The following MYOF variants were observed in gnomAD, a reference collection of about 807,000 sequenced individuals.
MYOF encodes fer-1-like 3, myoferlin.
In MYOF, 244 loss-of-function variants were observed where a neutral mutation model predicts 284.2. That is an observed-to-expected ratio of 0.86 (90% CI 0.77 to 0.95). The LOEUF is 0.95. MYOF is among the 40% of genes least tolerant of loss of function. The pLI is 0.00. For synonymous variants in MYOF, 904 were observed against 919.7 expected (o/e 0.98, Z 0.31); for missense variants, 2,496 against 2,560.6 (o/e 0.97, Z 0.54).
In MYOF at chr10:93,402,303, C is replaced by A; in HGVS notation, c.919G>T (p.Asp307Tyr). The A allele has an allele frequency of 6.2e-7, 1 of 1,614,100 alleles. No homozygotes were observed. The highest frequency in any genetic ancestry group is 8.5e-7 in the Non-Finnish European group (1 of 1,179,988). Residue 307 changes from aspartate (D) to tyrosine (Y), a missense_variant, in exon 11 of 54, where the codon GAT becomes TAT. Around this residue, in one of 3 missense-constraint regions of MYOF, gnomAD observed 2,436 missense variants for 2,480.7 expected, o/e 0.98. Transcript: ENST00000359263. ...RKWLLLNDPE[D>Y]TSSGSKGYMK... is the part of the protein sequence containing the mutation. Reference sequence around the variant, plus strand: ...TAACCTTTAGAACCTGAACTGGTATCTTCCGGGTCATTGAGAAGAAGCCAC... The same window carrying A: ...TAACCTTTAGAACCTGAACTGGTATATTCCGGGTCATTGAGAAGAAGCCAC...
rs1844488337 is a variant in MYOF, at chr10:93,351,206, A to T, written c.3912T>A (p.Thr1304=). The change falls in exon 35 of 54, where the codon ACT becomes ACA. Residue 1304 remains threonine, a synonymous_variant. Transcript: ENST00000359263. ...GTGGGGAGCAGCATACCTCAATGGC[A>T]GTGAGCTGGACCACAGGCCTGATCC... The part of the protein sequence containing the change: ...PQGIRPVVQL[T]AIEILAWGLR... 1.2e-6 allele frequency: 2 copies of T among 1,614,060 alleles called. No homozygotes were observed. Among genetic ancestry groups the T allele is most frequent in the African/African-American group, 2.7e-5 (2 of 74,920 alleles).
intron 7 of MYOF, among the ~76,000 whole-genome samples, chr10:93,404,494 T>A (rs1181324631): frequency 1.3e-5 from 2 of 152,062 alleles, no homozygotes; most frequent in African/African-American, 2.4e-5. Flanking sequence ...GGGCTAGATA[T>A]CTAAAAGCTA....
At chr10:93,351,095 A>G (rs930355391) in intron 35 of MYOF, 102 bp downstream of exon 35, 2 of 1,277,716 alleles carry the variant, frequency 1.6e-6, no homozygotes, top group African/African-American at 3.0e-5. Flanking sequence ...AGTTGGAGAT[A>G]GCAAGAAAAT....
chr10:93,350,221 C>A (rs1278841765), intron 35 of MYOF, among the ~76,000 whole-genome samples: 3 of 152,118 alleles, frequency 2.0e-5, no homozygotes, highest in Non-Finnish European at 4.4e-5. Context: ...TGTGTCAATG[C>A]TGACAAGGTA....
intron 1 of MYOF, among the ~76,000 whole-genome samples, chr10:93,468,571 C>T (rs1880260): frequency 0.4 from 60,641 of 152,092 alleles, 13,934 homozygotes; most frequent in South Asian, 0.55. Flanking sequence ...ATGCAAAGCG[C>T]GGAGTGAAAA....
intron 38 of MYOF, among the ~76,000 whole-genome samples, chr10:93,343,469 G>T (rs1473224953): frequency 6.6e-6 from 1 of 152,188 alleles, no homozygotes; most frequent in Admixed American, 6.5e-5. Flanking sequence ...CTCAGACTTC[G>T]CTTTCTAGCA....
chr10:93,325,933 C>T lies in MYOF; in HGVS notation c.5164G>A (p.Ala1722Thr). The change falls in exon 46 of 54, where the codon GCC (alanine) becomes ACC (threonine). Residue 1722 changes from alanine to threonine, a missense_variant. Transcript: ENST00000359263. ...ANKILHQHLG[A>T]PEERLALHIL... is the part of the protein sequence containing the mutation. Reference sequence around the variant, plus strand: ...TGAAGAGCAAGCCGCTCTTCAGGGGCCCCGAGGTGCTGGTGCAGGATTTTG... The same window carrying T: ...TGAAGAGCAAGCCGCTCTTCAGGGGTCCCGAGGTGCTGGTGCAGGATTTTG... 6.2e-7 allele frequency: 1 copy of T among 1,613,982 alleles called. No homozygotes were observed. The highest frequency in any genetic ancestry group is 1.1e-5 in the South Asian group (1 of 91,048).
intron 3 of MYOF, among the ~76,000 whole-genome samples, chr10:93,435,855 G>A (rs1849093208): frequency 6.6e-6 from 1 of 151,748 alleles, no homozygotes; most frequent in African/African-American, 2.4e-5. Flanking sequence ...AGTGAGTCGT[G>A]AATGTTCCAT....
At chr10:93,322,517 C>A (rs1224017644) in intron 48 of MYOF, among the ~76,000 whole-genome samples, 1 of 152,194 alleles carries the variant, frequency 6.6e-6, no homozygotes, top group Admixed American at 6.5e-5. Flanking sequence ...TAGCCATCCA[C>A]AGAGACGATT....
chr10:93,455,544 G>T (rs1468156922), intron 2 of MYOF, among the ~76,000 whole-genome samples: 1 of 150,916 alleles, frequency 6.6e-6, no homozygotes, highest in Admixed American at 6.6e-5. Flanking sequence ...GCACGCTTGT[G>T]GTCCCAGCTA....
chr10:93,324,110 A>G (rs1710510032), intron 46 of MYOF, among the ~76,000 whole-genome samples: 2 of 152,152 alleles, frequency 1.3e-5, no homozygotes, highest in African/African-American at 4.8e-5. Context: ...CAGCTCTTTG[A>G]CTGACACAGA....
intron 5 of MYOF, among the ~76,000 whole-genome samples, chr10:93,410,184 T>C (rs893750436): frequency 1.7e-4 from 26 of 152,296 alleles, no homozygotes; most frequent in African/African-American, 6.3e-4. Flanking sequence ...TTGTACTGTT[T>C]CCTGCTTGAG....
At chr10:93,387,736 C>A in intron 19 of MYOF, 61 bp downstream of exon 19, 2 of 1,405,312 alleles carry the variant, frequency 1.4e-6, no homozygotes, top group East Asian at 2.3e-5. Flanking sequence ...CCCCAGCTAC[C>A]CCTTCAGTCC....
intron 1 of MYOF, among the ~76,000 whole-genome samples, chr10:93,471,913 C>T (rs980892098): frequency 2.7e-5 from 4 of 150,758 alleles, no homozygotes; most frequent in Non-Finnish European, 4.4e-5. Flanking sequence ...AGGCTCGGCA[C>T]GGTGGCCAAC....
At chr10:93,308,923 G>A (rs1169937821) in intron 53 of MYOF, among the ~76,000 whole-genome samples, 2 of 152,102 alleles carry the variant, frequency 1.3e-5, no homozygotes, top group African/African-American at 4.8e-5. Context: ...TGTTGGCCAG[G>A]CTAGTCTTGA....
In MYOF at chr10:93,306,788, C is replaced by T; in HGVS notation, c.*175G>A. The T allele has an allele frequency of 1.5e-6, 1 of 654,306 alleles. No individual in the cohort carries two copies. The highest frequency in any genetic ancestry group is 2.7e-6 in the Non-Finnish European group (1 of 367,784). The allele number at this position is 654,306 out of a possible 1,614,324, so 40.5% of individuals were successfully genotyped here. A position where few individuals can be genotyped will look rare whatever the true frequency, so the allele number is the denominator to read the frequency against. On this transcript the variant is annotated 3_prime_UTR_variant, in exon 54 of 54. Transcript: ENST00000359263. ...AAGAGATAACATGATGCAAACGTTG[C>T]TTGTTGGCCTGACTTTCCAGGACTA...
intron 19 of MYOF, among the ~76,000 whole-genome samples, chr10:93,383,939 C>T (rs1846238930): frequency 6.6e-6 from 1 of 152,176 alleles, no homozygotes; most frequent in African/African-American, 2.4e-5. Context: ...ATTAGAACCC[C>T]ATGGATGCTC....
chr10:93,381,129 C>A, intron 20 of MYOF, 90 bp downstream of exon 20: 1 of 1,366,454 alleles, frequency 7.3e-7, no homozygotes, highest in Non-Finnish European at 1.0e-6. Context: ...CTGCGTAGAA[C>A]AGTGCCAGAG....
intron 13 of MYOF, among the ~76,000 whole-genome samples, chr10:93,398,339 C>A (rs1847121372): frequency 6.6e-6 from 1 of 152,212 alleles, no homozygotes; most frequent in African/African-American, 2.4e-5. Flanking sequence ...GATAAACACT[C>A]CTCCCCTGCA....
Sources: allele counts gnomAD v4.1 joint callset (sites outside exome capture counted in the v4.1 genomes callset), GRCh38; gene constraint gnomAD v4.1.1; regional missense constraint gnomAD v4.1.1; transcripts MANE v1.5; gene names NCBI Gene and HGNC (gene_info 2026-07-23, HGNC 2026-07-21).